SPAG16: variants seen among roughly 807,000 people sequenced by gnomAD.
SPAG16 encodes sperm-associated antigen 16 protein.
In SPAG16, 86 loss-of-function variants were observed where a neutral mutation model predicts 80.4. The ratio of observed to expected loss-of-function variants is 1.07; its 90% confidence interval spans 0.90 to 1.28. The LOEUF (loss-of-function observed/expected upper bound fraction) is 1.28, where lower values mean the gene tolerates loss of function less well. Ranked by LOEUF, SPAG16 falls within the 50% of genes most tolerant of loss-of-function variation. The probability of loss-of-function intolerance (pLI) is 0.00; values close to 1 mark genes in which losing one functional copy is unlikely to be tolerated. For synonymous variants in SPAG16, 294 were observed against 265.9 expected, an observed-to-expected ratio of 1.11 and a Z score of -1.03; for missense variants, 870 against 765.3, an observed-to-expected ratio of 1.14 and a Z score of -1.61.
At chr2:213,893,616 G>GT (rs923973551) in intron 11 of SPAG16, among the ~76,000 whole-genome samples, 10 of 151,706 alleles carry the variant, frequency 6.6e-5, no homozygotes, top group South Asian at 2.1e-4. Flanking sequence ...GATTTTTCCT[G>GT]TTTTTTTTCT....
At chr2:214,281,896 C>A (rs1466501278) in intron 15 of SPAG16, among the ~76,000 whole-genome samples, 1 of 152,016 alleles carries the variant, frequency 6.6e-6, no homozygotes, top group Non-Finnish European at 1.5e-5. Flanking sequence ...GTTTTAAAAG[C>A]TAGTCAAAAA....
chr2:214,125,593 G>A (rs1486367761), intron 14 of SPAG16, among the ~76,000 whole-genome samples: 1 of 151,548 alleles, frequency 6.6e-6, no homozygotes, highest in Non-Finnish European at 1.5e-5. Flanking sequence ...TCTTAAAAAG[G>A]CTCTACATTT....
chr2:214,032,926 G>A (rs1270867120), intron 13 of SPAG16, among the ~76,000 whole-genome samples: 1 of 152,024 alleles, frequency 6.6e-6, no homozygotes, highest in Non-Finnish European at 1.5e-5. Flanking sequence ...CTTTTTTTAT[G>A]TTATACAAAG....
intron 12 of SPAG16, among the ~76,000 whole-genome samples, chr2:213,939,624 A>G (rs546894586): frequency 1.3e-5 from 2 of 152,360 alleles, no homozygotes; most frequent in South Asian, 4.1e-4. Context: ...CCTGTCACAC[A>G]TAAACCACCC....
intron 9 of SPAG16, among the ~76,000 whole-genome samples, chr2:213,456,163 A>T (rs1344568061): frequency 6.6e-6 from 1 of 152,164 alleles, no homozygotes; most frequent in African/African-American, 2.4e-5. Flanking sequence ...ATTATTTATC[A>T]TATTGTTATT....
chr2:214,153,431 GATCTAT>G (rs1439620682), intron 15 of SPAG16, among the ~76,000 whole-genome samples: 1 of 152,068 alleles, frequency 6.6e-6, no homozygotes, highest in Non-Finnish European at 1.5e-5. Context: ...TCATATCTAA[GATCTAT>G]ATCTGGTATA....
chr2:213,818,598 A>G (rs965325360), intron 10 of SPAG16, among the ~76,000 whole-genome samples: 2 of 151,856 alleles, frequency 1.3e-5, no homozygotes, highest in African/African-American at 4.8e-5. Context: ...ACCCTCAGAG[A>G]TGGTGAAAAG....
chr2:213,696,407 G>A (rs2065155660), intron 10 of SPAG16, among the ~76,000 whole-genome samples: 1 of 152,132 alleles, frequency 6.6e-6, no homozygotes, highest in African/African-American at 2.4e-5. Flanking sequence ...CCGATGTCTT[G>A]TGGGTGGTAA....
chr2:214,203,716 G>T (rs565141437), intron 15 of SPAG16, among the ~76,000 whole-genome samples: 1 of 152,276 alleles, frequency 6.6e-6, no homozygotes, highest in South Asian at 2.1e-4. Flanking sequence ...TCTCCCAGGG[G>T]TCCTTGGGGA....
At chr2:214,340,573 A>T (rs1697606772) in intron 15 of SPAG16, among the ~76,000 whole-genome samples, 1 of 152,276 alleles carries the variant, frequency 6.6e-6, no homozygotes, top group Admixed American at 6.5e-5. Context: ...GCCGTGGGTG[A>T]ACTGCGCACC....
intron 15 of SPAG16, among the ~76,000 whole-genome samples, chr2:214,351,844 A>T (rs568507260): frequency 6.6e-6 from 1 of 151,954 alleles, no homozygotes; most frequent in South Asian, 2.1e-4. Context: ...CACAAAAAAA[A>T]TATACTGTCT....
intron 10 of SPAG16, among the ~76,000 whole-genome samples, chr2:213,807,130 AAC>A (rs1398256869): frequency 1.2e-4 from 18 of 152,282 alleles, no homozygotes; most frequent in African/African-American, 4.3e-4. Flanking sequence ...TTTACCAACT[AAC>A]ACACTATTTT....
At chr2:213,520,460 G>C (rs1234329569) in intron 10 of SPAG16, among the ~76,000 whole-genome samples, 5 of 152,050 alleles carry the variant, frequency 3.3e-5, no homozygotes, top group African/African-American at 1.2e-4. Context: ...TGGGCGTGGT[G>C]GTGGGCACCT....
chr2:213,736,677 T>A (rs2067295796), intron 10 of SPAG16, among the ~76,000 whole-genome samples: 1 of 151,554 alleles, frequency 6.6e-6, no homozygotes, highest in South Asian at 2.1e-4. Flanking sequence ...GAAATTAATC[T>A]AATTGATGTG....
At chr2:213,458,545 G>A (rs752882489) in intron 9 of SPAG16, among the ~76,000 whole-genome samples, 22 of 152,220 alleles carry the variant, frequency 1.4e-4, no homozygotes, top group African/African-American at 2.6e-4. Context: ...GCACTCCAGC[G>A]TGGGCAACAG....
chr2:214,023,505 A>G (rs1282564958), intron 13 of SPAG16, among the ~76,000 whole-genome samples: 2 of 151,854 alleles, frequency 1.3e-5, no homozygotes, highest in African/African-American at 2.4e-5. Context: ...AACTTAAGGT[A>G]TAAGTACATA....
intron 14 of SPAG16, among the ~76,000 whole-genome samples, chr2:214,123,909 T>G (rs1384008639): frequency 6.6e-6 from 1 of 152,080 alleles, no homozygotes; most frequent in African/African-American, 2.4e-5. Context: ...TTGAATCATA[T>G]AGATAACTGA....
intron 15 of SPAG16, among the ~76,000 whole-genome samples, chr2:214,389,557 T>C (rs1700949727): frequency 2.6e-5 from 4 of 152,204 alleles, no homozygotes. Context: ...CTTTGACAGA[T>C]TTTAATGTAG....
chr2:213,729,287 G>A (rs7578866), intron 10 of SPAG16, among the ~76,000 whole-genome samples: 140,801 of 152,258 alleles, frequency 0.92, 66,142 homozygotes, highest in East Asian at 1. Context: ...TTTTTGACAC[G>A]TACTTCCTGT....
Sources: gnomAD v4.1 joint callset for allele counts (sites outside exome capture counted in the v4.1 genomes callset) on GRCh38, gnomAD v4.1.1 for gene constraint, MANE v1.5 for transcripts, NCBI Gene and HGNC (gene_info 2026-07-23, HGNC 2026-07-21) for gene names.